Variants in PTPRM observed in about 807,000 individuals in gnomAD.
The protein encoded by PTPRM is protein tyrosine phosphatase receptor type M.
In PTPRM, 47 loss-of-function variants were observed where a neutral mutation model predicts 186.7. That is an observed-to-expected ratio of 0.25 (90% CI 0.20 to 0.32). The LOEUF (loss-of-function observed/expected upper bound fraction) is 0.32. Ranked by LOEUF, PTPRM falls within the 10% of genes least tolerant of loss-of-function variation. The pLI is 1.00. For missense variants in PTPRM, 1,494 were observed against 1,865.0 expected (o/e 0.80, Z 3.66); for synonymous variants, 668 against 674.9 (o/e 0.99, Z 0.16).
chr18:8,304,116 A>G (rs2095192738), intron 20 of PTPRM, among the ~76,000 whole-genome samples: 1 of 152,250 alleles, frequency 6.6e-6, no homozygotes, highest in South Asian at 2.1e-4. Context: ...GTGAAAGATT[A>G]TCAGTGATAC....
chr18:8,023,870 A>ACACACG (rs71354588), intron 7 of PTPRM, among the ~76,000 whole-genome samples: 10,326 of 149,286 alleles, frequency 0.069, 461 homozygotes, highest in Middle Eastern at 0.089. Flanking sequence ...ACACACACAC[A>ACACACG]CGCACACCCC....
intron 14 of PTPRM, among the ~76,000 whole-genome samples, chr18:8,199,831 T>C (rs2093829122): frequency 6.6e-6 from 1 of 152,168 alleles, no homozygotes; most frequent in African/African-American, 2.4e-5. Context: ...AACAAGATTC[T>C]CTTACCTTTG....
At chr18:7,639,805 T>C (rs2038405278) in intron 1 of PTPRM, among the ~76,000 whole-genome samples, 1 of 152,270 alleles carries the variant, frequency 6.6e-6, no homozygotes, top group South Asian at 2.1e-4. Context: ...TTCATTGACT[T>C]TTTTCCAGTG....
At chr18:7,922,807 G>C (rs1370329872) in intron 4 of PTPRM, among the ~76,000 whole-genome samples, 6 of 152,014 alleles carry the variant, frequency 3.9e-5, no homozygotes, top group African/African-American at 7.3e-5. Flanking sequence ...ATAAAAAAAA[G>C]GTTTTAATTA....
chr18:8,391,272 A>G (rs1374923844), intron 31 of PTPRM, among the ~76,000 whole-genome samples: 1 of 152,242 alleles, frequency 6.6e-6, no homozygotes, highest in East Asian at 1.9e-4. Flanking sequence ...AAATGACTGC[A>G]GAAATGAATC....
chr18:8,346,404 C>T lies in PTPRM; in HGVS notation c.3054+2884C>T, dbSNP rs116098913. Among the ~76,000 whole-genome samples the T allele has an allele frequency of 8.9e-3, 1,351 of 152,316 alleles. 6 individuals are homozygous for T. The highest frequency in any genetic ancestry group is 0.014 in the African/African-American group (594 of 41,572). ...TGGCCACCTTCTTGCGGCAACCTCA[C>T]GTGTCAGAGAGAGCGCACGCTCTGT... On this transcript the variant is annotated intron_variant, in intron 23 of 32. Transcript: ENST00000580170.
At chr18:8,147,070 A>G (rs1018596243) in intron 14 of PTPRM, among the ~76,000 whole-genome samples, 1 of 152,138 alleles carries the variant, frequency 6.6e-6, no homozygotes, top group Non-Finnish European at 1.5e-5. Context: ...GTATAGTTTG[A>G]AGTCAGGTAG....
At chr18:7,629,398 G>T (rs1177967521) in intron 1 of PTPRM, among the ~76,000 whole-genome samples, 3 of 152,182 alleles carry the variant, frequency 2.0e-5, no homozygotes, top group Non-Finnish European at 4.4e-5. Context: ...CTTGTTGAAA[G>T]GATGTGTTCT....
At chr18:7,862,773 C>T (rs1029050739) in intron 2 of PTPRM, among the ~76,000 whole-genome samples, 1 of 152,140 alleles carries the variant, frequency 6.6e-6, no homozygotes, top group African/African-American at 2.4e-5. Flanking sequence ...TCATTTGAAT[C>T]TAAAGAGGAC....
At chr18:7,601,114 C>T (rs767088667) in intron 1 of PTPRM, among the ~76,000 whole-genome samples, 5 of 152,228 alleles carry the variant, frequency 3.3e-5, no homozygotes, top group Admixed American at 6.5e-5. Flanking sequence ...AGAAGGATTG[C>T]TCCACCCTAC....
Position 8,076,571 on chromosome 18 carries a change from T to C in PTPRM, c.1551+7T>C. ...TGTAATCACTTTATATGAGGTAATA[T>C]ATATGTTTGTTAGTAATTTTTAATT... On this transcript the variant is annotated splice_region_variant and intron_variant, in intron 9 of 32. Transcript: ENST00000580170. 1 of 1,392,778 alleles carries C rather than the reference T, an allele frequency of 7.2e-7. No homozygotes were observed. The highest frequency in any genetic ancestry group is 1.0e-6 in the Non-Finnish European group (1 of 989,804). The allele number at this position is 1,392,778 out of a possible 1,614,324, so 86.3% of individuals were successfully genotyped here.
chr18:7,999,451 G>A (rs1024049226), intron 7 of PTPRM, among the ~76,000 whole-genome samples: 3 of 151,994 alleles, frequency 2.0e-5, no homozygotes, highest in Admixed American at 1.3e-4. Flanking sequence ...AGGTGATTGG[G>A]GTGAGTCCTT....
At chr18:8,149,581 G>C (rs146143445) in intron 14 of PTPRM, among the ~76,000 whole-genome samples, 3,185 of 152,266 alleles carry the variant, frequency 0.021, 47 homozygotes, top group Middle Eastern at 0.037. Context: ...ACAGCACACT[G>C]ATGGGTCTTG....
At chr18:7,796,564 C>T (rs2043661749) in intron 2 of PTPRM, among the ~76,000 whole-genome samples, 1 of 152,174 alleles carries the variant, frequency 6.6e-6, no homozygotes, top group Non-Finnish European at 1.5e-5. Flanking sequence ...GGGGGTGTCC[C>T]TGATACCGTG....
intron 19 of PTPRM, among the ~76,000 whole-genome samples, chr18:8,259,312 T>A (rs540273282): frequency 2.6e-4 from 39 of 152,298 alleles, no homozygotes; most frequent in African/African-American, 9.4e-4. Flanking sequence ...AATTTTATAG[T>A]TGAATGTGAA....
chr18:8,102,471 G>A (rs930742582), intron 11 of PTPRM, among the ~76,000 whole-genome samples: 7 of 152,202 alleles, frequency 4.6e-5, no homozygotes, highest in African/African-American at 1.7e-4. Flanking sequence ...CATTTCAACA[G>A]TGGTCACAGC....
intron 7 of PTPRM, among the ~76,000 whole-genome samples, chr18:7,967,925 G>C (rs907679752): frequency 1.0e-5 from 1 of 99,000 alleles, no homozygotes; most frequent in Non-Finnish European, 1.9e-5. Context: ...AGCAAGGCAG[G>C]CCAACGTTCA....
chr18:7,768,648 ATTT>A (rs5822981), intron 1 of PTPRM, among the ~76,000 whole-genome samples: 23 of 137,258 alleles, frequency 1.7e-4, no homozygotes, highest in South Asian at 7.1e-4. Flanking sequence ...ATATATATAT[ATTT>A]TTTTTTTTTT....
At chr18:8,098,412 C>T (rs2091116795) in intron 11 of PTPRM, among the ~76,000 whole-genome samples, 1 of 152,088 alleles carries the variant, frequency 6.6e-6, no homozygotes, top group South Asian at 2.1e-4. Flanking sequence ...TTTTTCTTGC[C>T]AGCAGTAATA....
Sources: allele counts gnomAD v4.1 joint callset (sites outside exome capture counted in the v4.1 genomes callset), GRCh38; gene constraint gnomAD v4.1.1; transcripts MANE v1.5; gene names NCBI Gene and HGNC (gene_info 2026-07-23, HGNC 2026-07-21).